The following TRPM3 variants were observed in gnomAD, a reference collection of about 807,000 sequenced individuals.
The protein encoded by TRPM3 is transient receptor potential cation channel subfamily M member 3, also known as long transient receptor potential channel 3.
TRPM3 carries 77 observed loss-of-function variants against 181.2 expected under a neutral mutation model. The ratio of observed to expected loss-of-function variants is 0.42; its 90% CI spans 0.35 to 0.51. The LOEUF is 0.51. Among genes scored for constraint, TRPM3 ranks in the 20% least tolerant of loss-of-function variants. The probability of loss-of-function intolerance (pLI) is 0.01; values close to 1 mark genes in which losing one functional copy is unlikely to be tolerated. For missense variants in TRPM3, 1,759 were observed against 2,196.7 expected (o/e 0.80, Z 3.98); for synonymous variants, 745 against 796.4 (o/e 0.94, Z 1.09).
At chr9:71,328,093 C>T (rs2089833445) in intron 1 of TRPM3, among the ~76,000 whole-genome samples, 1 of 151,796 alleles carries the variant, frequency 6.6e-6, no homozygotes, top group South Asian at 2.1e-4. Context: ...AAAAAAAAAC[C>T]CCAAGTGACA....
rs968036136 is a variant in TRPM3 at position 70,624,813 on chromosome 9, T to G, written c.1809+378A>C. Among the ~76,000 whole-genome samples, 4 of 152,224 alleles carry G rather than the reference T, an allele frequency of 2.6e-5. No homozygotes were observed. In the South Asian group the frequency reaches 8.3e-4, roughly 32 times the overall value. On this transcript the variant is annotated intron_variant, in intron 14 of 25. Transcript: ENST00000677713. ...TTTGTTTTTGAAAATATGTTTTTGT[T>G]TGTAAACATGTTCTTTATGTTAACA...
Position 71,254,639 on chromosome 9 carries a change from A to G in TRPM3, c.183+192014T>C, listed in dbSNP as rs905039104. Among the ~76,000 whole-genome samples the G allele has an allele frequency of 3.9e-5, 6 of 152,342 alleles. No homozygotes were observed. The East Asian group carries it at 1.2e-3, about 29-fold the overall frequency. On this transcript the variant is annotated intron_variant, in intron 1 of 24. Transcript: ENST00000357533. The stretch of plus-strand genomic sequence containing the variant: ...TAAAAATTAAATGATTTTTTAAAAA[A>G]GAAATCACTTCAGTTTTATCCAAAA...
chr9:71,355,141 T>G (rs2091842166), intron 1 of TRPM3, among the ~76,000 whole-genome samples: 1 of 152,192 alleles, frequency 6.6e-6, no homozygotes, highest in Non-Finnish European at 1.5e-5. Context: ...AATCTCATGG[T>G]TCAATTGCAA....
chr9:71,311,088 T>C (rs1395504737), intron 1 of TRPM3, among the ~76,000 whole-genome samples: 3 of 152,100 alleles, frequency 2.0e-5, no homozygotes, highest in African/African-American at 7.2e-5. Flanking sequence ...CCTTATATAC[T>C]TTTTTGGAGG....
chr9:71,184,048 A>G (rs887975676), intron 1 of TRPM3, among the ~76,000 whole-genome samples: 1 of 152,142 alleles, frequency 6.6e-6, no homozygotes, highest in Non-Finnish European at 1.5e-5. Flanking sequence ...ATCAAGCCCC[A>G]TCATCAGCTC....
chr9:70,790,388 C>CT (rs1381387898), intron 6 of TRPM3, among the ~76,000 whole-genome samples: 1 of 152,168 alleles, frequency 6.6e-6, no homozygotes, highest in Non-Finnish European at 1.5e-5. Flanking sequence ...AATACTAAGT[C>CT]TATCAGTGGT....
At chr9:70,845,214 C>A (rs1032766884) in intron 4 of TRPM3, among the ~76,000 whole-genome samples, 1 of 152,076 alleles carries the variant, frequency 6.6e-6, no homozygotes, top group African/African-American at 2.4e-5. Flanking sequence ...ACTACGAATG[C>A]AAAATTAAGC....
At chr9:71,354,233 T>C (rs2132685774) in intron 1 of TRPM3, among the ~76,000 whole-genome samples, 1 of 152,280 alleles carries the variant, frequency 6.6e-6, no homozygotes, top group African/African-American at 2.4e-5. Flanking sequence ...CAAGTTGCAA[T>C]AGGCCACAGA....
At chr9:71,220,391 G>T (rs549401112) in intron 1 of TRPM3, among the ~76,000 whole-genome samples, 2,593 of 140,528 alleles carry the variant, frequency 0.018, 41 homozygotes, top group South Asian at 0.037. Flanking sequence ...TTATTATTAT[G>T]ATCTGCTTAC....
intron 1 of TRPM3, among the ~76,000 whole-genome samples, chr9:71,189,660 C>T (rs73647962): frequency 6.6e-6 from 1 of 151,766 alleles, no homozygotes; most frequent in Non-Finnish European, 1.5e-5. Flanking sequence ...CCTCCCCACA[C>T]AACCACTCAC....
chr9:70,772,566 A>G (rs1203683282), intron 7 of TRPM3, among the ~76,000 whole-genome samples: 1 of 152,068 alleles, frequency 6.6e-6, no homozygotes, highest in East Asian at 1.9e-4. Flanking sequence ...CAAGGGATCC[A>G]CCTGCCTCGG....
chr9:70,627,915 C>G (rs1357900967), intron 12 of TRPM3, among the ~76,000 whole-genome samples: 1 of 152,168 alleles, frequency 6.6e-6, no homozygotes, highest in African/African-American at 2.4e-5. Flanking sequence ...GCAAGCTAAG[C>G]TATCCTCAGG....
intron 1 of TRPM3, among the ~76,000 whole-genome samples, chr9:71,336,502 A>G (rs1327303827): frequency 6.6e-6 from 1 of 152,200 alleles, no homozygotes; most frequent in Non-Finnish European, 1.5e-5. Context: ...AGAAGAATCA[A>G]TATCATGAAA....
intron 8 of TRPM3, among the ~76,000 whole-genome samples, chr9:70,752,464 G>A (rs904912551): frequency 6.6e-6 from 1 of 152,090 alleles, no homozygotes; most frequent in Admixed American, 6.5e-5. Context: ...AGAATATATA[G>A]AAGAATATCT....
chr9:71,444,198 T>G (rs1385078836), intron 1 of TRPM3, among the ~76,000 whole-genome samples: 6 of 125,294 alleles, frequency 4.8e-5, no homozygotes, highest in Non-Finnish European at 8.8e-5. Context: ...AAAAAAAAAC[T>G]AATACAATCA....
At chr9:70,895,964 A>C (rs2993013) in intron 1 of TRPM3, among the ~76,000 whole-genome samples, 81,210 of 151,840 alleles carry the variant, frequency 0.53, 22,189 homozygotes, top group African/African-American at 0.58. Flanking sequence ...GGGAAAATGT[A>C]CCCTCTTATA....
intron 22 of TRPM3, among the ~76,000 whole-genome samples, chr9:70,579,948 G>T (rs1564414220): frequency 6.6e-6 from 1 of 152,180 alleles, no homozygotes; most frequent in East Asian, 1.9e-4. Flanking sequence ...TGAGCCATCA[G>T]CTTCCACGTC....
intron 25 of TRPM3, among the ~76,000 whole-genome samples, chr9:70,545,123 C>T (rs1301958538): frequency 6.6e-6 from 1 of 152,130 alleles, no homozygotes; most frequent in Non-Finnish European, 1.5e-5. Context: ...GTAAATTGCT[C>T]AAGGTCACAT....
chr9:70,636,978 A>G (rs1395037715), intron 11 of TRPM3, among the ~76,000 whole-genome samples: 2 of 152,074 alleles, frequency 1.3e-5, no homozygotes, highest in East Asian at 3.9e-4. Flanking sequence ...CGCCCAACCA[A>G]TGGCAAATTC....
Sources: gnomAD v4.1 joint callset for allele counts (sites outside exome capture counted in the v4.1 genomes callset) on GRCh38, gnomAD v4.1.1 for gene constraint, MANE v1.5 for transcripts, NCBI Gene and HGNC (gene_info 2026-07-23, HGNC 2026-07-21) for gene names.